The following PRICKLE2 variants were observed in gnomAD, a reference collection of about 807,000 sequenced individuals.
PRICKLE2 encodes prickle-like protein 2.
A neutral mutation model predicts 81.4 loss-of-function variants in PRICKLE2; 21 were observed. That is an observed-to-expected ratio of 0.26 (90% CI 0.18 to 0.37). The LOEUF is 0.37. PRICKLE2 is among the 10% of genes least tolerant of loss of function. The pLI, the probability that PRICKLE2 is intolerant of heterozygous loss-of-function variation, is 1.00. For missense variants in PRICKLE2, 940 were observed against 1,109.0 expected, an observed-to-expected ratio of 0.85 and a Z score of 2.16; for synonymous variants, 456 against 421.5, an observed-to-expected ratio of 1.08 and a Z score of -1.00.
At chr3:64,189,160 G>A (rs2078288502) in intron 2 of PRICKLE2, among the ~76,000 whole-genome samples, 1 of 152,194 alleles carries the variant, frequency 6.6e-6, no homozygotes, top group Non-Finnish European at 1.5e-5. Context: ...CCAGTAACAT[G>A]AGAGCCCCTG....
intron 2 of PRICKLE2, among the ~76,000 whole-genome samples, chr3:64,242,105 C>T (rs187282582): frequency 3.3e-5 from 5 of 152,236 alleles, no homozygotes; most frequent in Non-Finnish European, 4.4e-5. Context: ...TTTTTGCAAG[C>T]AGCTTAAGGG....
rs752104556 is a variant in PRICKLE2, at chr3:64,147,680, G to A, written c.810C>T (p.Thr270=). ...QHIGIDQGQM[T]YDGQHWHATE... ...TGGCATGCCAGTGTTGGCCATCATA[G>A]GTCATTTGACCTTGGTCGATACCTA... is the stretch of plus-strand genomic sequence containing the variant. Residue 270 remains threonine (T), a synonymous_variant, in exon 7 of 8, where the codon ACC becomes ACT. Transcript: ENST00000638394. This position sits in a 1 kb window ranked among gnomAD's most constrained non-coding sequence, Gnocchi z 5.0. 1 of 1,613,834 alleles carries A rather than the reference G, an allele frequency of 6.2e-7. No individual in the cohort carries two copies. Among genetic ancestry groups the A allele is most frequent in the African/African-American group, 1.3e-5 (1 of 75,050 alleles).
At chr3:64,109,713 C>T (rs190171897) in intron 7 of PRICKLE2, among the ~76,000 whole-genome samples, 94 of 152,332 alleles carry the variant, frequency 6.2e-4, no homozygotes, top group African/African-American at 2.1e-3. Context: ...AGCCTCTTTA[C>T]AACCAGCTGC....
intron 7 of PRICKLE2, among the ~76,000 whole-genome samples, chr3:64,117,479 A>G (rs1347554220): frequency 6.6e-6 from 1 of 152,196 alleles, no homozygotes; most frequent in Non-Finnish European, 1.5e-5. Flanking sequence ...AAGCTTCTTA[A>G]ATTGATAAAC....
At chr3:64,255,757 A>G (rs2079516301) in intron 2 of PRICKLE2, among the ~76,000 whole-genome samples, 1 of 152,194 alleles carries the variant, frequency 6.6e-6, no homozygotes, top group African/African-American at 2.4e-5. Flanking sequence ...AAACAACCGC[A>G]TTTCTCAGCC....
rs886058807 is a variant in PRICKLE2, at chr3:64,225,436, CTGG to C, written c.-570_-568del. On this transcript the variant is annotated 5_prime_UTR_variant, in exon 1 of 8. Coordinates refer to ENST00000638394, the MANE Select transcript of PRICKLE2 (RefSeq NM_198859.4). ...ATAATAATAACTCTCGGTGGCGCTG[CTGG>C]TGGTGCCTGAGAAGTCGCTGTTGCA... 1.2e-4 allele frequency: 115 copies of C among 954,958 alleles called. No homozygotes were observed. Among genetic ancestry groups the C allele is most frequent in the South Asian group, 2.0e-4 (4 of 19,942 alleles). The allele number at this position is 954,958 out of a possible 1,614,324, so 59.2% of individuals were successfully genotyped here.
intron 2 of PRICKLE2, among the ~76,000 whole-genome samples, chr3:64,242,939 G>A (rs2079290260): frequency 6.6e-6 from 1 of 152,218 alleles, no homozygotes. Context: ...GTCATCCCAA[G>A]ACAGAGAATA....
intron 2 of PRICKLE2, among the ~76,000 whole-genome samples, chr3:64,189,451 C>A (rs562375785): frequency 6.6e-6 from 1 of 152,274 alleles, no homozygotes; most frequent in South Asian, 2.1e-4. Context: ...CTGAGTGGAG[C>A]AATGTGCATG....
chr3:64,197,857 TA>T (rs575919759), intron 2 of PRICKLE2, among the ~76,000 whole-genome samples: 54 of 144,386 alleles, frequency 3.7e-4, no homozygotes, highest in South Asian at 6.6e-4. Context: ...AAAATAAAGT[TA>T]AAAAAAAAAA....
At chr3:64,157,596 G>T (rs1175202644) in intron 4 of PRICKLE2, among the ~76,000 whole-genome samples, 1 of 152,198 alleles carries the variant, frequency 6.6e-6, no homozygotes, top group African/African-American at 2.4e-5. Context: ...GGAGAATGAG[G>T]AATCACAAAG....
At chr3:64,201,316 C>A (rs2078574681) in intron 1 of PRICKLE2, among the ~76,000 whole-genome samples, 1 of 152,164 alleles carries the variant, frequency 6.6e-6, no homozygotes. Flanking sequence ...GAGGAACTCC[C>A]AAATTGTTTT....
At chr3:64,158,201 G>A (rs1410654270) in intron 4 of PRICKLE2, among the ~76,000 whole-genome samples, 1 of 152,188 alleles carries the variant, frequency 6.6e-6, no homozygotes, top group Non-Finnish European at 1.5e-5. Context: ...ATAGTTCTAG[G>A]GTCATACAAG....
intron 2 of PRICKLE2, among the ~76,000 whole-genome samples, chr3:64,191,394 T>C (rs529918754): frequency 2.0e-5 from 3 of 152,256 alleles, no homozygotes; most frequent in East Asian, 3.9e-4. Context: ...CCAGGAGCAT[T>C]ATAAGCACTC....
chr3:64,116,079 C>T (rs937456138), intron 7 of PRICKLE2, among the ~76,000 whole-genome samples: 1 of 152,120 alleles, frequency 6.6e-6, no homozygotes, highest in South Asian at 2.1e-4. Context: ...AATTGGATAA[C>T]CTGCTGCTGA....
chr3:64,156,894 C>G (rs1305631041), intron 5 of PRICKLE2, among the ~76,000 whole-genome samples: 1 of 152,088 alleles, frequency 6.6e-6, no homozygotes, highest in African/African-American at 2.4e-5. Context: ...TTACTTAGGG[C>G]CAGTTATATG....
chr3:64,206,183 A>G (rs1292549178), intron 1 of PRICKLE2, among the ~76,000 whole-genome samples: 1 of 151,802 alleles, frequency 6.6e-6, no homozygotes, highest in Non-Finnish European at 1.5e-5. Flanking sequence ...CCCAGTGACT[A>G]TAATTGGATA....
intron 1 of PRICKLE2, among the ~76,000 whole-genome samples, chr3:64,202,813 A>C (rs1478992714): frequency 6.6e-6 from 1 of 152,146 alleles, no homozygotes; most frequent in African/African-American, 2.4e-5. Flanking sequence ...TGTTCAACAG[A>C]AGTAGCAAGG....
At chr3:64,206,874 C>A (rs2078696663) in intron 1 of PRICKLE2, among the ~76,000 whole-genome samples, 1 of 152,194 alleles carries the variant, frequency 6.6e-6, no homozygotes, top group Non-Finnish European at 1.5e-5. Flanking sequence ...TATTTAAATT[C>A]TTCCATGACT....
At chr3:64,183,311 T>G (rs1428298378) in intron 2 of PRICKLE2, among the ~76,000 whole-genome samples, 1 of 152,176 alleles carries the variant, frequency 6.6e-6, no homozygotes, top group African/African-American at 2.4e-5. Flanking sequence ...GTTCACTACT[T>G]CTATTCCTGA....
Sources: allele counts gnomAD v4.1 joint callset (sites outside exome capture counted in the v4.1 genomes callset), GRCh38; gene constraint gnomAD v4.1.1; non-coding constraint Gnocchi (gnomAD v3.1); transcripts MANE v1.5; gene names NCBI Gene and HGNC (gene_info 2026-07-23, HGNC 2026-07-21).